Variants in SEMA3D observed in about 807,000 individuals in gnomAD.
SEMA3D encodes the protein semaphorin 3D.
Under a neutral mutation model 100.1 loss-of-function variants are expected in SEMA3D, and 84 were observed. The observed-to-expected ratio is 0.84, with a 90% CI of 0.70 to 1.01. SEMA3D has a LOEUF of 1.01. Ranked by LOEUF, SEMA3D falls within the 50% of genes least tolerant of loss-of-function variation. The pLI is 0.00. For synonymous variants in SEMA3D, 312 were observed against 320.7 expected (o/e 0.97, Z 0.29); for missense variants, 875 against 934.1 (o/e 0.94, Z 0.82).
chr7:85,035,693 G>T (rs1790674906), intron 12 of SEMA3D, among the ~76,000 whole-genome samples: 1 of 151,758 alleles, frequency 6.6e-6, no homozygotes, highest in Non-Finnish European at 1.5e-5. Context: ...AACAATAATG[G>T]ATGGTAAATT....
chr7:85,068,124 C>A, intron 7 of SEMA3D, 67 bp downstream of exon 7: 1 of 889,048 alleles, frequency 1.1e-6, no homozygotes, highest in Admixed American at 1.9e-5. Flanking sequence ...TAGGAAAATG[C>A]GGTTCAGTCA....
chr7:85,027,521 G>C (rs1319619615), intron 12 of SEMA3D, among the ~76,000 whole-genome samples: 3 of 151,964 alleles, frequency 2.0e-5, no homozygotes, highest in African/African-American at 7.2e-5. Flanking sequence ...ATTGGTGGTA[G>C]TTGAAAATAT....
intron 2 of SEMA3D, among the ~76,000 whole-genome samples, chr7:85,146,740 T>C (rs941673153): frequency 1.3e-5 from 2 of 151,900 alleles, no homozygotes; most frequent in African/African-American, 4.8e-5. Context: ...AATATATCTT[T>C]CAGGAAAAAT....
intron 4 of SEMA3D, among the ~76,000 whole-genome samples, chr7:85,089,586 T>C (rs1788320225): frequency 1.3e-5 from 2 of 152,140 alleles, no homozygotes; most frequent in African/African-American, 2.4e-5. Context: ...CCTCAATAAA[T>C]ATGTATTGCA....
intron 3 of SEMA3D, among the ~76,000 whole-genome samples, chr7:85,109,055 A>G (rs1240390567): frequency 1.3e-5 from 2 of 151,972 alleles, no homozygotes; most frequent in Admixed American, 1.3e-4. Flanking sequence ...TTATATTCTT[A>G]AATACCTTAA....
At chr7:85,140,674 G>A (rs1024853628) in intron 2 of SEMA3D, 3 of 979,440 alleles carry the variant, frequency 3.1e-6, no homozygotes, top group Non-Finnish European at 3.6e-6. Flanking sequence ...ACATTATTAA[G>A]TGCTTCTGTT....
In SEMA3D at chr7:85,055,860, C is replaced by T. The variant is rs1791303112; in HGVS notation, c.719-1G>A. 4 of 1,522,580 alleles carry T rather than the reference C, an allele frequency of 2.6e-6. No individual in the cohort carries two copies. The highest frequency in any genetic ancestry group is 2.7e-6 in the Non-Finnish European group (3 of 1,115,334). 94.3% of individuals were successfully genotyped at this position (1,522,580 alleles called of 1,614,324 possible). A position where few individuals can be genotyped will look rare whatever the true frequency, so the allele number is the denominator to read the frequency against. On this transcript the variant is annotated splice_acceptor_variant, in intron 8 of 18. Transcript: ENST00000284136. LOFTEE classifies it high-confidence loss of function. ...AAGAAAGTTCCAATAAATTTTGCTC[C>T]TGTTTGAAAGAAAAGAAGCTATAAA...
intron 6 of SEMA3D, among the ~76,000 whole-genome samples, chr7:85,072,414 A>G (rs958901575): frequency 4.6e-5 from 7 of 152,196 alleles, no homozygotes; most frequent in Admixed American, 1.3e-4. Context: ...AGGAAAATGA[A>G]ATTATTTATA....
intron 2 of SEMA3D, among the ~76,000 whole-genome samples, chr7:85,129,005 C>A (rs890549442): frequency 6.6e-6 from 1 of 151,110 alleles, no homozygotes; most frequent in Non-Finnish European, 1.5e-5. Context: ...GATCCACCTG[C>A]CTTGGCTTCC....
chr7:85,065,980 AC>A (rs999099747), intron 7 of SEMA3D, among the ~76,000 whole-genome samples: 2 of 152,138 alleles, frequency 1.3e-5, no homozygotes, highest in African/African-American at 4.8e-5. Context: ...AACTGACACA[AC>A]CTCAATGACC....
chr7:85,044,782 T>C (rs904473955), intron 9 of SEMA3D, among the ~76,000 whole-genome samples: 1 of 152,072 alleles, frequency 6.6e-6, no homozygotes, highest in Admixed American at 6.6e-5. Flanking sequence ...CTTTTATGAT[T>C]AGCATATTGT....
intron 2 of SEMA3D, among the ~76,000 whole-genome samples, chr7:85,131,431 C>T (rs1789722306): frequency 6.6e-6 from 1 of 151,988 alleles, no homozygotes; most frequent in African/African-American, 2.4e-5. Context: ...AATTAAATCA[C>T]ATAATTTATC....
At chr7:85,150,361 A>G (rs1467402299) in intron 2 of SEMA3D, among the ~76,000 whole-genome samples, 1 of 141,930 alleles carries the variant, frequency 7.0e-6, no homozygotes, top group Non-Finnish European at 1.5e-5. Context: ...ATATATATAT[A>G]TATATATTAT....
chr7:85,201,148 G>A, the SEMA3D span, among the ~76,000 whole-genome samples: 17 of 152,094 alleles, frequency 1.1e-4, no homozygotes, highest in African/African-American at 3.1e-4. Flanking sequence ...GGAGGAAAAC[G>A]ATTAATGGGT....
At chr7:85,095,624 T>C (rs926065086) in intron 4 of SEMA3D, among the ~76,000 whole-genome samples, 11 of 152,102 alleles carry the variant, frequency 7.2e-5, no homozygotes, top group South Asian at 2.1e-4. Context: ...TTGACACTTA[T>C]GTGCTACTGT....
chr7:85,010,115 G>C (rs1218003479), intron 17 of SEMA3D, among the ~76,000 whole-genome samples: 1 of 151,710 alleles, frequency 6.6e-6, no homozygotes, highest in African/African-American at 2.4e-5. Flanking sequence ...GTAAACATCT[G>C]AAAAACAAGT....
chr7:85,216,902 A>T, the SEMA3D span, among the ~76,000 whole-genome samples: 1,451 of 151,822 alleles, frequency 9.6e-3, 24 homozygotes, highest in African/African-American at 0.033. Flanking sequence ...TATAAGCTTC[A>T]GGCTCCAAAA....
At chr7:85,113,999 C>A (rs1437964333) in intron 3 of SEMA3D, among the ~76,000 whole-genome samples, 1 of 152,056 alleles carries the variant, frequency 6.6e-6, no homozygotes, top group Non-Finnish European at 1.5e-5. Flanking sequence ...TTATTTTTAA[C>A]CTCACATTCT....
chr7:85,038,178 C>A (rs1178109013), intron 11 of SEMA3D, among the ~76,000 whole-genome samples: 2 of 151,912 alleles, frequency 1.3e-5, no homozygotes. Flanking sequence ...GCACATGTAC[C>A]CTAAAACTTA....
Sources: allele counts gnomAD v4.1 joint callset (sites outside exome capture counted in the v4.1 genomes callset), GRCh38; gene constraint gnomAD v4.1.1; transcripts MANE v1.5; gene names NCBI Gene and HGNC (gene_info 2026-07-23, HGNC 2026-07-21).